Variants in TENM3 observed in about 807,000 individuals in gnomAD.
The protein encoded by TENM3 is teneurin transmembrane protein 3.
In TENM3, 63 loss-of-function variants were observed where a neutral mutation model predicts 255.1. The ratio of observed to expected loss-of-function variants is 0.25; its 90% CI spans 0.20 to 0.30. TENM3 has a LOEUF of 0.30. Among genes scored for constraint, TENM3 ranks in the 10% least tolerant of loss-of-function variants. The pLI, the probability that TENM3 is intolerant of heterozygous loss-of-function variation, is 1.00. For missense variants in TENM3, 2,929 were observed against 3,461.1 expected, an observed-to-expected ratio of 0.85 and a Z score of 3.86; for synonymous variants, 1,306 against 1,322.3, an observed-to-expected ratio of 0.99 and a Z score of 0.27.
At chr4:182,579,375 A>G (rs75043719) in intron 3 of TENM3, among the ~76,000 whole-genome samples, 1,550 of 152,314 alleles carry the variant, frequency 0.01, 31 homozygotes, top group African/African-American at 0.036. Flanking sequence ...AACAGAGGAA[A>G]GAACATAACC....
the TENM3 span, among the ~76,000 whole-genome samples, chr4:181,636,294 C>T: frequency 6.6e-6 from 1 of 152,276 alleles, no homozygotes; most frequent in Non-Finnish European, 1.5e-5. Flanking sequence ...CCACCCGCCT[C>T]GGCCTCCCAA....
chr4:182,710,203 A>T (rs1223028275), intron 12 of TENM3, among the ~76,000 whole-genome samples: 1 of 152,184 alleles, frequency 6.6e-6, no homozygotes, highest in African/African-American at 2.4e-5. Flanking sequence ...TTTCTGTAGA[A>T]ATACTACCCT....
At chr4:182,196,380 G>T (rs1382342301) in intron 1 of TENM3, among the ~76,000 whole-genome samples, 1 of 152,182 alleles carries the variant, frequency 6.6e-6, no homozygotes, top group Non-Finnish European at 1.5e-5. Context: ...CAGAAAGTCA[G>T]TGTGGGATTA....
At chr4:181,531,237 A>G in the TENM3 span, among the ~76,000 whole-genome samples, 1 of 152,188 alleles carries the variant, frequency 6.6e-6, no homozygotes, top group African/African-American at 2.4e-5. Flanking sequence ...AGGAAGGGGG[A>G]AAACAGACAG....
At position 182,552,025 on chromosome 4, in the gene TENM3, CAAAAA is replaced by C. The variant is rs11354411; in HGVS notation, c.512-48886_512-48882del. Reference sequence around the variant, plus strand: ...GGGGTGACAGAGCAAGACCCTGTCTCAAAAAAAAAAAAAAAAAGTTAAATGATATG... The same window carrying C: ...GGGGTGACAGAGCAAGACCCTGTCTCAAAAAAAAAAAAGTTAAATGATATG... On this transcript the variant is annotated intron_variant, in intron 3 of 27. Coordinates refer to ENST00000511685, the MANE Select transcript of TENM3 (RefSeq NM_001080477.4). Among the ~76,000 whole-genome samples the C allele has an allele frequency of 6.4e-5, 7 of 108,724 alleles. No individual in the cohort carries two copies. In the South Asian group the frequency reaches 1.7e-3, roughly 26 times the overall value. The allele number at this position is 108,724 out of a possible 152,430, so 71.3% of individuals were successfully genotyped here. A position where few individuals can be genotyped will look rare whatever the true frequency, so the allele number is the denominator to read the frequency against.
chr4:182,381,877 T>A (rs1360566977), intron 3 of TENM3, among the ~76,000 whole-genome samples: 1 of 152,218 alleles, frequency 6.6e-6, no homozygotes, highest in African/African-American at 2.4e-5. Flanking sequence ...TGTTGTTTTC[T>A]TAATGAAGAG....
At chr4:181,644,348 T>C in the TENM3 span, among the ~76,000 whole-genome samples, 15 of 151,932 alleles carry the variant, frequency 9.9e-5, no homozygotes, top group African/African-American at 2.9e-4. Context: ...TGTCCACAGT[T>C]CAGGGCAGCA....
chr4:181,671,871 C>A, the TENM3 span, among the ~76,000 whole-genome samples: 1 of 152,080 alleles, frequency 6.6e-6, no homozygotes, highest in Non-Finnish European at 1.5e-5. Context: ...CAGTCATCAG[C>A]CTGGCCCAGG....
At chr4:182,159,171 A>G (rs1442389782) in intron 1 of TENM3, among the ~76,000 whole-genome samples, 1 of 152,116 alleles carries the variant, frequency 6.6e-6, no homozygotes, top group Non-Finnish European at 1.5e-5. Flanking sequence ...CATGGTGGAG[A>G]TGGGGATGGC....
At chr4:182,714,327 A>AAC in intron 13 of TENM3, 94 bp downstream of exon 13, 2 of 989,040 alleles carry the variant, frequency 2.0e-6, no homozygotes, top group Non-Finnish European at 2.8e-6. Flanking sequence ...AAAAAAAAAA[A>AAC]AAAAAAAAAA....
the TENM3 span, among the ~76,000 whole-genome samples, chr4:181,871,771 AG>A: frequency 6.6e-6 from 1 of 152,108 alleles, no homozygotes; most frequent in South Asian, 2.1e-4. Flanking sequence ...TTATAATCAA[AG>A]GGTGTTCAGT....
intron 1 of TENM3, among the ~76,000 whole-genome samples, chr4:182,224,898 G>A (rs1756052440): frequency 6.6e-6 from 1 of 151,922 alleles, no homozygotes; most frequent in African/African-American, 2.4e-5. Context: ...CGCCACACCT[G>A]GCTAATTTTT....
intron 13 of TENM3, among the ~76,000 whole-genome samples, chr4:182,718,387 C>T (rs1201708136): frequency 6.6e-6 from 1 of 152,138 alleles, no homozygotes; most frequent in African/African-American, 2.4e-5. Flanking sequence ...CCACAAAGAA[C>T]ACACACCTTT....
chr4:181,554,994 G>T, the TENM3 span, among the ~76,000 whole-genome samples: 1 of 152,160 alleles, frequency 6.6e-6, no homozygotes, highest in South Asian at 2.1e-4. Context: ...ATTGACAAGA[G>T]ATAGAATTTA....
At chr4:182,454,097 T>C (rs1773690266) in intron 3 of TENM3, among the ~76,000 whole-genome samples, 1 of 152,158 alleles carries the variant, frequency 6.6e-6, no homozygotes, top group Admixed American at 6.6e-5. Context: ...CGAAGTCAGA[T>C]GCAAGGAAAG....
intron 1 of TENM3, among the ~76,000 whole-genome samples, chr4:182,287,906 C>T (rs968583008): frequency 4.0e-5 from 6 of 150,938 alleles, no homozygotes; most frequent in African/African-American, 1.2e-4. Context: ...CGTGAGGTAC[C>T]GTGCCTGGCA....
chr4:181,941,252 T>C, the TENM3 span, among the ~76,000 whole-genome samples: 2 of 152,126 alleles, frequency 1.3e-5, no homozygotes, highest in Non-Finnish European at 2.9e-5. Context: ...ACAGTCCTTA[T>C]CACTCAATAC....
At chr4:181,680,059 C>A in the TENM3 span, among the ~76,000 whole-genome samples, 1 of 151,992 alleles carries the variant, frequency 6.6e-6, no homozygotes, top group African/African-American at 2.4e-5. Flanking sequence ...GCTATACCTA[C>A]CTACAGCTTG....
intron 3 of TENM3, among the ~76,000 whole-genome samples, chr4:182,551,173 G>C (rs1741965110): frequency 7.0e-6 from 1 of 142,914 alleles, no homozygotes. Flanking sequence ...AGTGAGCTGA[G>C]ATCACTCCAC....
Sources: gnomAD v4.1 joint callset for allele counts (sites outside exome capture counted in the v4.1 genomes callset) on GRCh38, gnomAD v4.1.1 for gene constraint, MANE v1.5 for transcripts, NCBI Gene and HGNC (gene_info 2026-07-23, HGNC 2026-07-21) for gene names.